Variants in MYO5A observed in about 807,000 individuals in gnomAD.
MYO5A encodes the protein unconventional myosin-Va.
A neutral mutation model predicts 249.7 loss-of-function variants in MYO5A; 98 were observed. The ratio of observed to expected loss-of-function variants is 0.39; its 90% confidence interval spans 0.33 to 0.46. The LOEUF is 0.46. Among genes scored for constraint, MYO5A ranks in the 20% least tolerant of loss-of-function variants. The pLI is 0.98. For missense variants in MYO5A, 1,696 were observed against 2,308.8 expected (o/e 0.73, Z 5.44); for synonymous variants, 778 against 810.6 (o/e 0.96, Z 0.68).
rs1226216995 is a variant in MYO5A at position 52,308,067 on chromosome 15, C to T, written c.*5629G>A. On this transcript the variant is annotated 3_prime_UTR_variant, in exon 42 of 42. Transcript: ENST00000399233. ...ACTCTGAAAAATGCATAAAAATATA[C>T]TAACCTGCCAAGCACTGAATTATAT... is the stretch of plus-strand genomic sequence containing the variant. The T allele has an allele frequency of 2.0e-5, 3 of 152,054 alleles. No individual in the cohort carries two copies. The highest frequency in any genetic ancestry group is 4.4e-5 in the Non-Finnish European group (3 of 68,008). The allele number at this position is 152,054 out of a possible 1,614,324, so 9.4% of individuals were successfully genotyped here. A position where few individuals can be genotyped will look rare whatever the true frequency, so the allele number is the denominator to read the frequency against.
chr15:52,403,253 C>T (rs1215583956), intron 9 of MYO5A, among the ~76,000 whole-genome samples: 1 of 152,116 alleles, frequency 6.6e-6, no homozygotes, highest in African/African-American at 2.4e-5. Flanking sequence ...TTTAAAAAAT[C>T]CAGTTTGTAT....
chr15:52,308,404 G>T lies in MYO5A; in HGVS notation c.*5292C>A, dbSNP rs933956613. On this transcript the variant is annotated 3_prime_UTR_variant, in exon 42 of 42. Coordinates refer to ENST00000399233, the MANE Select transcript of MYO5A (RefSeq NM_001382347.1). ...TTTACTCAACCTTTTATAGTACAGG[G>T]TTCTTAAAAAATTTTGAAAAGAATG... 6.6e-6 allele frequency: 1 copy of T among 152,064 alleles called. No individual in the cohort carries two copies. The highest frequency in any genetic ancestry group is 2.1e-4 in the South Asian group (1 of 4,834). 9.4% of individuals were successfully genotyped at this position (152,064 alleles called of 1,614,324 possible).
chr15:52,468,132 T>C (rs188153184), intron 1 of MYO5A, among the ~76,000 whole-genome samples: 67 of 152,290 alleles, frequency 4.4e-4, no homozygotes, highest in African/African-American at 1.5e-3. Context: ...TGAGGATTGC[T>C]TGAGCCTAGG....
chr15:52,416,423 T>C, intron 4 of MYO5A, 122 bp from the exon 5 acceptor site: 13 of 951,024 alleles, frequency 1.4e-5, no homozygotes, highest in Non-Finnish European at 2.1e-5. Flanking sequence ...TCGATACTGG[T>C]GCTTATAACA....
chr15:52,372,450 T>C (rs2066822282), intron 20 of MYO5A, 87 bp from the exon 21 acceptor site: 19 of 1,537,560 alleles, frequency 1.2e-5, no homozygotes, highest in South Asian at 1.0e-4. Context: ...AATCCACACA[T>C]TACCTAGAGG....
At chr15:52,429,096 A>G (rs1448410102) in intron 2 of MYO5A, among the ~76,000 whole-genome samples, 1 of 152,202 alleles carries the variant, frequency 6.6e-6, no homozygotes, top group Non-Finnish European at 1.5e-5. Context: ...GTACTTAGGA[A>G]TCCTTAAACC....
At chr15:52,356,823 T>TCC (rs370943771) in intron 25 of MYO5A, among the ~76,000 whole-genome samples, 6 of 127,798 alleles carry the variant, frequency 4.7e-5, no homozygotes, top group South Asian at 2.5e-4. Flanking sequence ...TTTTTTATTT[T>TCC]CAGGAATTGT....
chr15:52,425,722 G>A, intron 4 of MYO5A, 108 bp downstream of exon 4: 1 of 1,278,994 alleles, frequency 7.8e-7, no homozygotes, highest in South Asian at 1.2e-5. Context: ...TGCTTATTTA[G>A]TAATTATTTA....
Position 52,319,234 on chromosome 15 carries a change from T to C in MYO5A, c.5060A>G (p.Asp1687Gly). The change falls in exon 39 of 42, where the codon GAC becomes GGC. Residue 1687 changes from aspartate (D) to glycine (G), a missense_variant. Asp to Gly is a moderately conservative substitution (Grantham distance 94, BLOSUM62 -1). This residue lies in a region of MYO5A where 625 missense variants were observed against 908.1 expected (regional missense o/e 0.69). Transcript: ENST00000399233. ...GGAGTTGAGCTGCCGGAGGATGGAG[T>C]CCAGTGTGTAGGTGCCCTCATCGGC... ...SIADEGTYTL[D>G]SILRQLNSFH... 6.2e-7 allele frequency: 1 copy of C among 1,613,858 alleles called. No homozygotes were observed. Among genetic ancestry groups the C allele is most frequent in the Non-Finnish European group, 8.5e-7 (1 of 1,179,956 alleles).
intron 1 of MYO5A, among the ~76,000 whole-genome samples, chr15:52,459,880 A>C (rs993550183): frequency 6.7e-6 from 1 of 149,580 alleles, no homozygotes; most frequent in Non-Finnish European, 1.5e-5. Flanking sequence ...GGGGTTCCCC[A>C]CTTCCCAGAC....
chr15:52,521,616 T>A (rs1469633550), intron 1 of MYO5A, among the ~76,000 whole-genome samples: 2 of 152,238 alleles, frequency 1.3e-5, no homozygotes, highest in Non-Finnish European at 2.9e-5. Context: ...TTGATTTCAA[T>A]CAAGTTTAGA....
intron 1 of MYO5A, among the ~76,000 whole-genome samples, chr15:52,475,692 GT>G (rs527582416): frequency 5.1e-4 from 78 of 152,322 alleles, no homozygotes; most frequent in African/African-American, 1.7e-3. Context: ...ATGTAGTTGT[GT>G]GGTTTTGAGT....
Position 52,428,453 on chromosome 15 carries a change from C to T in MYO5A, c.255G>A (p.Val85=), listed in dbSNP as rs775954470. 4.7e-5 allele frequency: 76 copies of T among 1,614,024 alleles called. No individual in the cohort carries two copies. Among genetic ancestry groups the T allele is most frequent in the Non-Finnish European group, 8.5e-7 (1 of 1,179,992 alleles). ...TALSYLHEPA[V]LHNLRVRFID... The stretch of plus-strand genomic sequence containing the variant: ...TAAAGCGGACTCTGAGATTATGGAG[C>T]ACAGCAGGCTCATGAAGATAGCTGA... Residue 85 remains valine (V), a synonymous_variant, in exon 3 of 42, where the codon GTG becomes GTA. Coordinates refer to ENST00000399233, the MANE Select transcript of MYO5A (RefSeq NM_001382347.1).
At chr15:52,387,973 T>C in intron 13 of MYO5A, 61 bp from the exon 14 acceptor site, 5 of 1,177,584 alleles carry the variant, frequency 4.2e-6, no homozygotes, top group Non-Finnish European at 6.3e-6. Flanking sequence ...ATTATAATCA[T>C]CAATAATAAG....
At chr15:52,416,100 T>C in intron 5 of MYO5A, 45 bp downstream of exon 5, 1 of 1,608,820 alleles carries the variant, frequency 6.2e-7, no homozygotes. Context: ...AGCATGTTTC[T>C]TATCAAGAGA....
At chr15:52,408,266 C>T in intron 6 of MYO5A, 126 bp from the exon 7 acceptor site, 1 of 643,130 alleles carries the variant, frequency 1.6e-6, no homozygotes. Context: ...TCCTATATTT[C>T]CTAATACTTA....
At chr15:52,402,417 T>C (rs1031658183) in intron 9 of MYO5A, among the ~76,000 whole-genome samples, 2 of 152,142 alleles carry the variant, frequency 1.3e-5, no homozygotes, top group Non-Finnish European at 2.9e-5. Flanking sequence ...TTCCCCTGTT[T>C]ATATGGGTCC....
At chr15:52,339,218 T>C (rs557493426) in intron 32 of MYO5A, among the ~76,000 whole-genome samples, 253 of 152,290 alleles carry the variant, frequency 1.7e-3, no homozygotes, top group African/African-American at 5.9e-3. Flanking sequence ...CTGTTTGTAA[T>C]GTAAATTATC....
At chr15:52,500,660 T>C (rs1377417277) in intron 1 of MYO5A, among the ~76,000 whole-genome samples, 2 of 152,176 alleles carry the variant, frequency 1.3e-5, no homozygotes, top group Non-Finnish European at 1.5e-5. Context: ...TTTGCCCATT[T>C]TTCAACAGGG....
Sources: allele counts gnomAD v4.1 joint callset (sites outside exome capture counted in the v4.1 genomes callset), GRCh38; gene constraint gnomAD v4.1.1; regional missense constraint gnomAD v4.1.1; transcripts MANE v1.5; gene names NCBI Gene and HGNC (gene_info 2026-07-23, HGNC 2026-07-21).